The following IPO9 variants were observed in gnomAD, a reference collection of about 807,000 sequenced individuals.
IPO9 encodes importin-9.
In IPO9, 28 loss-of-function variants were observed where a neutral mutation model predicts 128.6. The observed-to-expected ratio is 0.22, with a 90% CI of 0.16 to 0.30. The LOEUF (loss-of-function observed/expected upper bound fraction) is 0.30. Ranked by LOEUF, IPO9 falls within the 10% of genes least tolerant of loss-of-function variation. The pLI, the probability that IPO9 is intolerant of heterozygous loss-of-function variation, is 1.00. For synonymous variants in IPO9, 455 were observed against 475.8 expected, an observed-to-expected ratio of 0.96 and a Z score of 0.57; for missense variants, 935 against 1,293.9, an observed-to-expected ratio of 0.72 and a Z score of 4.26.
chr1:201,870,527 C>A lies in IPO9; in HGVS notation c.2134-56C>A. On this transcript the variant is annotated intron_variant, in intron 17 of 23. Coordinates refer to ENST00000361565, the MANE Select transcript of IPO9 (RefSeq NM_018085.5). This position sits in a 1 kb window ranked among gnomAD's most constrained non-coding sequence, Gnocchi z 4.9. Reference sequence around the variant, plus strand: ...AACATTTGTTTATACAGACTGAGGGCCTTCTGGCATCTGTCCCTCGATTAC... The same window carrying A: ...AACATTTGTTTATACAGACTGAGGGACTTCTGGCATCTGTCCCTCGATTAC... 1.9e-6 allele frequency: 3 copies of A among 1,564,548 alleles called. No individual in the cohort carries two copies. Among genetic ancestry groups the A allele is most frequent in the Non-Finnish European group, 2.6e-6 (3 of 1,150,468 alleles).
chr1:201,866,312 A>G (rs1025257646), intron 14 of IPO9, among the ~76,000 whole-genome samples: 1 of 152,152 alleles, frequency 6.6e-6, no homozygotes, highest in African/African-American at 2.4e-5. Flanking sequence ...ATTTTTAACA[A>G]TTGTATCATA....
At chr1:201,835,591 C>T (rs771824905) in intron 1 of IPO9, among the ~76,000 whole-genome samples, 7 of 152,224 alleles carry the variant, frequency 4.6e-5, no homozygotes, top group Non-Finnish European at 1.0e-4. Context: ...AATTAAATTT[C>T]CTAACAAAAA....
intron 21 of IPO9, 30 bp from the exon 22 acceptor site, chr1:201,874,802 T>C (rs748502394): frequency 2.1e-6 from 3 of 1,460,076 alleles, no homozygotes; most frequent in Middle Eastern, 1.8e-4. Context: ...GAATGTGCTC[T>C]AGCTCTAGCT....
rs145734695 is a variant in IPO9, at chr1:201,849,532, T to A, written c.514+938T>A. 4.9e-4 allele frequency among the ~76,000 whole-genome samples: 74 copies of A among 152,312 alleles called. 1 individual carries two copies. The highest frequency in any genetic ancestry group is 1.8e-3 in the African/African-American group (74 of 41,564). On this transcript the variant is annotated intron_variant, in intron 4 of 23. Coordinates refer to ENST00000361565, the MANE Select transcript of IPO9 (RefSeq NM_018085.5). ...ATCTCTTTTTCTATGACCTGCTAGCTTACCTGATATGTATTCTTGCTTAGT... is the reference window on the plus strand; with the variant it reads ...ATCTCTTTTTCTATGACCTGCTAGCATACCTGATATGTATTCTTGCTTAGT...
chr1:201,857,924 A>G (rs1204978153), intron 11 of IPO9, among the ~76,000 whole-genome samples: 3 of 152,186 alleles, frequency 2.0e-5, no homozygotes, highest in Admixed American at 1.3e-4. Flanking sequence ...ATACCTGCTC[A>G]TGTTTTCTTT....
rs375198333 is a variant in IPO9, at chr1:201,855,814, T to C, written c.1002T>C (p.Phe334=). The change falls in exon 10 of 24, where the codon TTT becomes TTC. Residue 334 remains phenylalanine (F), a synonymous_variant. Coordinates refer to ENST00000361565, the MANE Select transcript of IPO9 (RefSeq NM_018085.5). ...GEVLGFENLV[F]SIFEFVHALL... The stretch of plus-strand genomic sequence containing the variant: ...TCCTGGGCTTTGAAAATCTCGTCTT[T>C]AGCATTTTTGAATTTGTCCATGCTC... The C allele has an allele frequency of 1.7e-5, 27 of 1,610,930 alleles. No homozygotes were observed. Among genetic ancestry groups the C allele is most frequent in the Non-Finnish European group, 2.2e-5 (26 of 1,179,436 alleles).
intron 14 of IPO9, among the ~76,000 whole-genome samples, chr1:201,866,186 T>A (rs913732485): frequency 1.2e-4 from 18 of 152,186 alleles, no homozygotes; most frequent in Non-Finnish European, 1.2e-4. Context: ...ATAATATGAC[T>A]TTCTTCTGAA....
At chr1:201,867,609 TAA>T (rs149702706) in intron 15 of IPO9, among the ~76,000 whole-genome samples, 1 of 151,152 alleles carries the variant, frequency 6.6e-6, no homozygotes, top group African/African-American at 2.4e-5. Context: ...AGGTATGTTT[TAA>T]AAAAAAATAC....
intron 11 of IPO9, among the ~76,000 whole-genome samples, chr1:201,858,196 C>T (rs907301819): frequency 1.3e-5 from 2 of 152,260 alleles, no homozygotes; most frequent in African/African-American, 4.8e-5. Flanking sequence ...CACTTATGCT[C>T]TGCTGAATAT....
At position 201,870,651 on chromosome 1, in the gene IPO9, G is replaced by T. The variant is rs1366774243; in HGVS notation, c.2202G>T (p.Glu734Asp). The change falls in exon 18 of 24, where the codon GAG (glutamate) becomes GAT (aspartate). Residue 734 changes from glutamate to aspartate, a missense_variant. Coordinates refer to ENST00000361565, the MANE Select transcript of IPO9 (RefSeq NM_018085.5). The surrounding 1 kb of genome is among the most constrained non-coding windows in gnomAD (Gnocchi z 4.9). ...TLEQVAQWHDEQGHNGLWYVM... is the reference protein window; with the variant it reads ...TLEQVAQWHDDQGHNGLWYVM... ...AACAAGTAGCCCAGTGGCATGATGA[G>T]CAGGGCCACAATGGACTGTGGTATG... 5 of 1,614,098 alleles carry T rather than the reference G, an allele frequency of 3.1e-6. No individual in the cohort carries two copies. In the South Asian group the frequency reaches 4.4e-5, roughly 14 times the overall value.
At chr1:201,847,429 TA>T (rs1680141550) in intron 2 of IPO9, 89 bp downstream of exon 2, 4 of 1,376,082 alleles carry the variant, frequency 2.9e-6, no homozygotes, top group Non-Finnish European at 4.1e-6. Flanking sequence ...GGCCAGTGTA[TA>T]AATAACCTAG....
intron 9 of IPO9, 30 bp from the exon 10 acceptor site, chr1:201,855,752 AT>A: frequency 6.3e-7 from 1 of 1,588,096 alleles, no homozygotes. Context: ...CTTTCTTGTC[AT>A]TAATTTCTTC....
chr1:201,851,596 T>G (rs1474618158), intron 4 of IPO9, among the ~76,000 whole-genome samples: 1 of 152,126 alleles, frequency 6.6e-6, no homozygotes, highest in Non-Finnish European at 1.5e-5. Context: ...AGCAGCAGCC[T>G]CTGACTTTTA....
intron 13 of IPO9, among the ~76,000 whole-genome samples, chr1:201,859,568 G>A (rs1350417551): frequency 1.3e-5 from 2 of 152,048 alleles, no homozygotes; most frequent in Non-Finnish European, 2.9e-5. Context: ...CATTCTTCCT[G>A]TTTGTTTCCT....
chr1:201,872,934 A>G lies in IPO9; in HGVS notation c.2683A>G (p.Ile895Val). ...GGAGATCTACAGCATGGATGAGGGC[A>G]TCCGCACCCGCTCTAAGTCAGCCAA... ...GEEIYSMDEG[I>V]RTRSKSAKNP... The change falls in exon 20 of 24, where the codon ATC becomes GTC. Residue 895 changes from isoleucine to valine, a missense_variant. This residue lies in a region of IPO9 where 188 missense variants were observed against 246.7 expected (regional missense o/e 0.76). Coordinates refer to ENST00000361565, the MANE Select transcript of IPO9 (RefSeq NM_018085.5). 2 of 1,613,648 alleles carry G rather than the reference A, an allele frequency of 1.2e-6. No homozygotes were observed. The highest frequency in any genetic ancestry group is 1.7e-6 in the Non-Finnish European group (2 of 1,179,814).
chr1:201,873,094 C>A, intron 20 of IPO9, 133 bp downstream of exon 20: 1 of 1,077,022 alleles, frequency 9.3e-7, no homozygotes, highest in Non-Finnish European at 1.3e-6. Context: ...AAAGAAGAAG[C>A]AGGAAACTTA....
At chr1:201,844,632 G>C (rs1406949015) in intron 1 of IPO9, among the ~76,000 whole-genome samples, 1 of 152,244 alleles carries the variant, frequency 6.6e-6, no homozygotes, top group Non-Finnish European at 1.5e-5. Flanking sequence ...TGATATCCAT[G>C]AACTCTGTAC....
chr1:201,866,273 G>A (rs1039649538), intron 14 of IPO9, among the ~76,000 whole-genome samples: 1 of 152,130 alleles, frequency 6.6e-6, no homozygotes, highest in South Asian at 2.1e-4. Flanking sequence ...TCACAGGTGT[G>A]AGCCACCGTG....
At chr1:201,847,026 A>G (rs1467982678) in intron 1 of IPO9, among the ~76,000 whole-genome samples, 1 of 152,210 alleles carries the variant, frequency 6.6e-6, no homozygotes, top group Non-Finnish European at 1.5e-5. Flanking sequence ...ATCTTGGAAG[A>G]GAAGATGGCT....
Sources: allele counts gnomAD v4.1 joint callset (sites outside exome capture counted in the v4.1 genomes callset), GRCh38; gene constraint gnomAD v4.1.1; regional missense constraint gnomAD v4.1.1; non-coding constraint Gnocchi (gnomAD v3.1); transcripts MANE v1.5; gene names NCBI Gene and HGNC (gene_info 2026-07-23, HGNC 2026-07-21).